NFE2L3: variants seen among roughly 807,000 people sequenced by gnomAD.
NFE2L3 encodes the protein NFE2 like bZIP transcription factor 3, also known as nuclear factor erythroid 2-related factor 3.
A neutral mutation model predicts 23.5 loss-of-function variants in NFE2L3; 18 were observed. The ratio of observed to expected loss-of-function variants is 0.77; its 90% CI spans 0.53 to 1.13. The LOEUF is 1.13. Among genes scored for constraint, NFE2L3 ranks in the 50% most tolerant of loss-of-function variants. The pLI is 0.00. For synonymous variants in NFE2L3, 424 were observed against 354.5 expected, an observed-to-expected ratio of 1.20 and a Z score of -2.20; for missense variants, 1,152 against 877.2, an observed-to-expected ratio of 1.31 and a Z score of -3.96.
intron 2 of NFE2L3, among the ~76,000 whole-genome samples, chr7:26,180,820 A>G (rs1293080519): frequency 3.3e-5 from 5 of 152,238 alleles, no homozygotes; most frequent in Non-Finnish European, 7.3e-5. Context: ...TAGGACAAAC[A>G]TCAATTTGGA....
chr7:26,164,806 C>T (rs1237788528), intron 1 of NFE2L3, among the ~76,000 whole-genome samples: 1 of 152,172 alleles, frequency 6.6e-6, no homozygotes, highest in Admixed American at 6.5e-5. Flanking sequence ...ACATTTAAGT[C>T]TTTAATCCAT....
intron 1 of NFE2L3, among the ~76,000 whole-genome samples, chr7:26,166,204 T>G (rs1223042810): frequency 6.6e-6 from 1 of 152,052 alleles, no homozygotes; most frequent in Admixed American, 6.6e-5. Flanking sequence ...CTTACAGCCA[T>G]GTGGTCAGGG....
In NFE2L3 at chr7:26,175,999, T is replaced by A. The variant is rs565215656; in HGVS notation, c.571-1944T>A. Among the ~76,000 whole-genome samples the A allele has an allele frequency of 5.0e-4, 76 of 151,624 alleles. No homozygotes were observed. In the East Asian group the frequency reaches 0.014, roughly 28 times the overall value. On this transcript the variant is annotated intron_variant, in intron 1 of 3. Coordinates refer to ENST00000056233, the MANE Select transcript of NFE2L3 (RefSeq NM_004289.7). The stretch of plus-strand genomic sequence containing the variant: ...GGTCTCTGGTTTTCCTAGGCAGAGG[T>A]CCCTGTGGCCTTCCGCAGTGTTTGT...
chr7:26,154,582 G>C (rs536399275), intron 1 of NFE2L3, among the ~76,000 whole-genome samples: 1 of 152,252 alleles, frequency 6.6e-6, no homozygotes, highest in Admixed American at 6.5e-5. Context: ...ACAGGGTCTT[G>C]CTCTGTTGCC....
chr7:26,173,767 G>A (rs1784359169), intron 1 of NFE2L3: 1 of 152,168 alleles, frequency 6.6e-6, no homozygotes, highest in Non-Finnish European at 1.5e-5. Context: ...TGTAGCAAGG[G>A]TCTGTTATGT....
At chr7:26,172,107 T>C (rs550380530) in intron 1 of NFE2L3, among the ~76,000 whole-genome samples, 1 of 152,358 alleles carries the variant, frequency 6.6e-6, no homozygotes, top group African/African-American at 2.4e-5. Context: ...AAATAAGAAA[T>C]TTAAATGTTA....
At chr7:26,166,008 T>A (rs1784245434) in intron 1 of NFE2L3, among the ~76,000 whole-genome samples, 1 of 152,150 alleles carries the variant, frequency 6.6e-6, no homozygotes, top group South Asian at 2.1e-4. Context: ...TTGCATTGTA[T>A]CCAGCTGTTT....
chr7:26,152,590 A>C lies in NFE2L3; in HGVS notation c.92A>C (p.Asp31Ala). 4 of 1,548,126 alleles carry C rather than the reference A, an allele frequency of 2.6e-6. No homozygotes were observed. The highest frequency in any genetic ancestry group is 3.5e-6 in the Non-Finnish European group (4 of 1,158,384). The change falls in exon 1 of 4, where the codon GAT becomes GCT. Residue 31 changes from aspartate to alanine, a missense_variant. Asp to Ala is a moderately radical substitution (Grantham distance 126). Transcript: ENST00000056233. The surrounding 1 kb of genome is among the most constrained non-coding windows in gnomAD (Gnocchi z 4.4). ...TTGGCGGGGCTCCGCGTAGACCTAG[A>C]TCTTTACCTGCTGCTGCCGCCGCCC... ...LSLAGLRVDL[D>A]LYLLLPPPTL...
chr7:26,175,607 G>A (rs111977307), intron 1 of NFE2L3, among the ~76,000 whole-genome samples: 30 of 151,706 alleles, frequency 2.0e-4, no homozygotes, highest in African/African-American at 7.2e-4. Context: ...GAAACCCTGT[G>A]TCTACTAAAA....
At chr7:26,156,679 G>C (rs1784087275) in intron 1 of NFE2L3, among the ~76,000 whole-genome samples, 1 of 152,232 alleles carries the variant, frequency 6.6e-6, no homozygotes, top group African/African-American at 2.4e-5. Flanking sequence ...CCTACAGCCA[G>C]CTTCAGTATT....
chr7:26,160,493 C>G lies in NFE2L3; in HGVS notation c.570+7425C>G, dbSNP rs76333124. Among the ~76,000 whole-genome samples the G allele has an allele frequency of 1.8e-4, 28 of 152,324 alleles. No individual in the cohort carries two copies. The East Asian group carries it at 5.0e-3, about 27-fold the overall frequency. On this transcript the variant is annotated intron_variant, in intron 1 of 3. Coordinates refer to ENST00000056233, the MANE Select transcript of NFE2L3 (RefSeq NM_004289.7). ...ATGAATAAATAAATACACATATACACACAGATTTATTTCAAGGAATTGGAT... is the reference window on the plus strand; with the variant it reads ...ATGAATAAATAAATACACATATACAGACAGATTTATTTCAAGGAATTGGAT...
intron 1 of NFE2L3, among the ~76,000 whole-genome samples, chr7:26,157,197 T>G (rs986314908): frequency 7.2e-5 from 11 of 152,164 alleles, no homozygotes; most frequent in South Asian, 2.1e-4. Context: ...TAATTTTTTT[T>G]GGGACAGGGT....
intron 1 of NFE2L3, among the ~76,000 whole-genome samples, chr7:26,167,601 A>T (rs1483345805): frequency 6.6e-6 from 1 of 152,196 alleles, no homozygotes; most frequent in East Asian, 1.9e-4. Context: ...TAACTTAATG[A>T]TGGGTTTAAC....
chr7:26,183,211 C>T (rs1782369904), intron 2 of NFE2L3, among the ~76,000 whole-genome samples: 2 of 152,012 alleles, frequency 1.3e-5, no homozygotes, highest in African/African-American at 4.8e-5. Flanking sequence ...TACTGATTAG[C>T]TTTGGACTTT....
intron 1 of NFE2L3, among the ~76,000 whole-genome samples, chr7:26,162,921 A>G (rs915059651): frequency 2.0e-5 from 3 of 152,138 alleles, no homozygotes; most frequent in African/African-American, 7.2e-5. Context: ...CATGTTGCCC[A>G]GGGTGGTCTC....
At chr7:26,153,184 C>T in intron 1 of NFE2L3, 116 bp downstream of exon 1, 4 of 1,069,842 alleles carry the variant, frequency 3.7e-6, no homozygotes, top group Admixed American at 3.8e-5. Context: ...CCCTTAGCCC[C>T]TGGTCTTTGC....
intron 1 of NFE2L3, among the ~76,000 whole-genome samples, chr7:26,163,737 A>G (rs1350340736): frequency 1.3e-5 from 2 of 152,162 alleles, no homozygotes; most frequent in Non-Finnish European, 2.9e-5. Flanking sequence ...TACATGTGCC[A>G]TGTTGGTGTG....
intron 1 of NFE2L3, among the ~76,000 whole-genome samples, chr7:26,175,937 AGTGGAGAGAAG>A (rs1308286446): frequency 6.9e-6 from 1 of 145,268 alleles, no homozygotes; most frequent in Non-Finnish European, 1.5e-5. Context: ...ATAGGATAAT[AGTGGAGAGAAG>A]GTCAGCAGAT....
chr7:26,178,133 C>CA lies in NFE2L3; in HGVS notation c.750+12dup. On this transcript the variant is annotated intron_variant, in intron 2 of 3. Coordinates refer to ENST00000056233, the MANE Select transcript of NFE2L3 (RefSeq NM_004289.7). The stretch of plus-strand genomic sequence containing the variant: ...GAATCTAGAAATGAGGTAAGCCTGT[C>CA]AGAATATTCAAGCCTTGCCGTTTTG... 6.2e-7 allele frequency: 1 copy of CA among 1,605,506 alleles called. No homozygotes were observed. The highest frequency in any genetic ancestry group is 8.5e-7 in the Non-Finnish European group (1 of 1,176,402).
Sources: allele counts gnomAD v4.1 joint callset (sites outside exome capture counted in the v4.1 genomes callset), GRCh38; gene constraint gnomAD v4.1.1; non-coding constraint Gnocchi (gnomAD v3.1); transcripts MANE v1.5; gene names NCBI Gene and HGNC (gene_info 2026-07-23, HGNC 2026-07-21).